MAP2K5: variants seen among roughly 807,000 people sequenced by gnomAD.
MAP2K5 encodes dual specificity mitogen-activated protein kinase kinase 5.
In MAP2K5, 49 loss-of-function variants were observed where a neutral mutation model predicts 83.1. The observed-to-expected ratio is 0.59, with a 90% CI of 0.47 to 0.75. The LOEUF (loss-of-function observed/expected upper bound fraction) is 0.75, where lower values mean the gene tolerates loss of function less well. Among genes scored for constraint, MAP2K5 ranks in the 30% least tolerant of loss-of-function variants. The pLI is 0.00. For missense variants in MAP2K5, 457 were observed against 557.5 expected, an observed-to-expected ratio of 0.82 and a Z score of 1.82; for synonymous variants, 202 against 191.8, an observed-to-expected ratio of 1.05 and a Z score of -0.44.
At chr15:67,627,442 A>G (rs1243820872) in intron 8 of MAP2K5, among the ~76,000 whole-genome samples, 2 of 152,234 alleles carry the variant, frequency 1.3e-5, no homozygotes, top group Admixed American at 6.5e-5. Context: ...ATAAAAGTTA[A>G]GTTTACCTTC....
intron 13 of MAP2K5, among the ~76,000 whole-genome samples, chr15:67,667,446 A>T (rs1358283820): frequency 6.6e-6 from 1 of 152,194 alleles, no homozygotes; most frequent in Non-Finnish European, 1.5e-5. Flanking sequence ...CTAGCTGAAC[A>T]TGTGTCACAT....
At chr15:67,548,837 C>T (rs116167021) in intron 1 of MAP2K5, among the ~76,000 whole-genome samples, 1,758 of 151,856 alleles carry the variant, frequency 0.012, 43 homozygotes, top group African/African-American at 0.04. Context: ...AAAAAAAAAT[C>T]TCTTTTGGCT....
chr15:67,546,900 A>G lies in MAP2K5; in HGVS notation c.136-3134A>G, dbSNP rs369775303. On this transcript the variant is annotated intron_variant, in intron 1 of 21. Transcript: ENST00000178640. ...GGCAACATGGCAAAACCCCATCTCT[A>G]CAAAAAATGCAAAAATTAGTGGGGG... 5.9e-5 allele frequency among the ~76,000 whole-genome samples: 9 copies of G among 152,240 alleles called. No individual in the cohort carries two copies. The East Asian group carries it at 1.7e-3, about 29-fold the overall frequency.
intron 21 of MAP2K5, among the ~76,000 whole-genome samples, chr15:67,797,038 T>A (rs927113577): frequency 6.6e-6 from 1 of 152,202 alleles, no homozygotes; most frequent in Non-Finnish European, 1.5e-5. Context: ...TGACAGTGTT[T>A]CCTGCTAAAA....
At chr15:67,804,955 C>T (rs910281072) in intron 21 of MAP2K5, among the ~76,000 whole-genome samples, 1 of 152,188 alleles carries the variant, frequency 6.6e-6, no homozygotes, top group Non-Finnish European at 1.5e-5. Context: ...GCTCAGGCCC[C>T]AGACCAAACC....
At position 67,738,175 on chromosome 15, in the gene MAP2K5, A is replaced by C. The variant is rs2089387202; in HGVS notation, c.1075-10056A>C. On this transcript the variant is annotated intron_variant, in intron 17 of 21. Transcript: ENST00000178640. This position sits in a 1 kb window ranked among gnomAD's most constrained non-coding sequence, Gnocchi z 4.1. Reference sequence around the variant, plus strand: ...CCTAGAATAGTCTTATGAGAGAAGAAGCTATTGGCCTACAGGTTCAGAGGA... The same window carrying C: ...CCTAGAATAGTCTTATGAGAGAAGACGCTATTGGCCTACAGGTTCAGAGGA... Among the ~76,000 whole-genome samples, 1 of 152,150 alleles carries C rather than the reference A, an allele frequency of 6.6e-6. No homozygotes were observed. Among genetic ancestry groups the C allele is most frequent in the African/African-American group, 2.4e-5 (1 of 41,436 alleles).
intron 13 of MAP2K5, among the ~76,000 whole-genome samples, chr15:67,667,783 C>T (rs1269916606): frequency 1.3e-5 from 2 of 152,082 alleles, no homozygotes; most frequent in African/African-American, 2.4e-5. Flanking sequence ...CCTTGGAATA[C>T]GGTGGTCCAG....
chr15:67,628,939 G>A, intron 8 of MAP2K5: 1 of 758,408 alleles, frequency 1.3e-6, no homozygotes, highest in Non-Finnish European at 2.4e-6. Context: ...AATTTTGGAG[G>A]TGGTGGAAGC....
chr15:67,678,936 C>T (rs2087745231), intron 13 of MAP2K5, among the ~76,000 whole-genome samples: 1 of 141,018 alleles, frequency 7.1e-6, no homozygotes, highest in Non-Finnish European at 1.5e-5. Flanking sequence ...TGCACTCCAG[C>T]CTGGCAACCG....
intron 21 of MAP2K5, among the ~76,000 whole-genome samples, chr15:67,804,083 G>T (rs1301621329): frequency 6.6e-6 from 1 of 152,176 alleles, no homozygotes; most frequent in African/African-American, 2.4e-5. Context: ...GGACCCTGCA[G>T]GCAGAGACGC....
At chr15:67,737,556 T>C (rs911597556) in intron 17 of MAP2K5, among the ~76,000 whole-genome samples, 2 of 148,824 alleles carry the variant, frequency 1.3e-5, no homozygotes, top group African/African-American at 5.0e-5. Context: ...GCTAAGTTCA[T>C]TGAAAAAATC....
At chr15:67,696,738 G>T (rs959006556) in intron 15 of MAP2K5, among the ~76,000 whole-genome samples, 1 of 152,204 alleles carries the variant, frequency 6.6e-6, no homozygotes, top group African/African-American at 2.4e-5. Context: ...AGCACTTTGG[G>T]AGGCCAAGGC....
rs1376779546 is a variant in MAP2K5 at position 67,698,897 on chromosome 15, G to A, written c.973-4440G>A. 6.6e-6 allele frequency among the ~76,000 whole-genome samples: 1 copy of A among 152,126 alleles called. No individual in the cohort carries two copies. The highest frequency in any genetic ancestry group is 1.5e-5 in the Non-Finnish European group (1 of 68,016). On this transcript the variant is annotated intron_variant, in intron 15 of 21. Transcript: ENST00000178640. This position sits in a 1 kb window ranked among gnomAD's most constrained non-coding sequence, Gnocchi z 4.5. ...TGGCACGTACTGAAGCACATTACGG[G>A]ATTCATTTAATCTTCACACAACCCC...
intron 8 of MAP2K5, among the ~76,000 whole-genome samples, chr15:67,618,109 T>G (rs2086096100): frequency 6.6e-6 from 1 of 152,252 alleles, no homozygotes. Flanking sequence ...CTCTAACCTT[T>G]TATGTATTGT....
At chr15:67,613,400 G>C (rs1464339109) in intron 8 of MAP2K5, among the ~76,000 whole-genome samples, 1 of 152,058 alleles carries the variant, frequency 6.6e-6, no homozygotes, top group East Asian at 1.9e-4. Flanking sequence ...TGTTTCATTC[G>C]GTCAGAGAGA....
intron 13 of MAP2K5, among the ~76,000 whole-genome samples, chr15:67,670,783 G>C (rs2087512409): frequency 6.6e-6 from 1 of 151,958 alleles, no homozygotes; most frequent in South Asian, 2.1e-4. Context: ...GAAAGAGAGA[G>C]ACAGGGTCAG....
At chr15:67,594,908 G>A (rs1202893407) in intron 7 of MAP2K5, among the ~76,000 whole-genome samples, 1 of 152,294 alleles carries the variant, frequency 6.6e-6, no homozygotes, top group East Asian at 1.9e-4. Context: ...AACAGTGAGT[G>A]AAATTGCATT....
chr15:67,723,132 T>A (rs983353235), intron 16 of MAP2K5, among the ~76,000 whole-genome samples: 2 of 152,188 alleles, frequency 1.3e-5, no homozygotes, highest in African/African-American at 4.8e-5. Context: ...TTTCTCTTTA[T>A]CATTTATGAT....
intron 3 of MAP2K5, among the ~76,000 whole-genome samples, chr15:67,575,922 T>TC (rs56896938): frequency 0.14 from 8,293 of 57,690 alleles, 253 homozygotes; most frequent in East Asian, 0.23. Flanking sequence ...CTTTCTTTTT[T>TC]TTTTTTTTTT....
Sources: allele counts gnomAD v4.1 joint callset (sites outside exome capture counted in the v4.1 genomes callset), GRCh38; gene constraint gnomAD v4.1.1; non-coding constraint Gnocchi (gnomAD v3.1); transcripts MANE v1.5; gene names NCBI Gene and HGNC (gene_info 2026-07-23, HGNC 2026-07-21).